Variants in TASOR observed in about 807,000 individuals in gnomAD.
The protein encoded by TASOR is transcription activation suppressor.
Under a neutral mutation model 178.6 loss-of-function variants are expected in TASOR, and 53 were observed. That is an observed-to-expected ratio of 0.30 (90% CI 0.24 to 0.37). TASOR has a LOEUF of 0.37. Among genes scored for constraint, TASOR ranks in the 10% least tolerant of loss-of-function variants. The probability of loss-of-function intolerance (pLI) is 1.00; values close to 1 mark genes in which losing one functional copy is unlikely to be tolerated. For synonymous variants in TASOR, 713 were observed against 696.2 expected (o/e 1.02, Z -0.38); for missense variants, 1,815 against 1,971.4 (o/e 0.92, Z 1.50).
rs1196810481 is a variant in TASOR at position 56,682,983 on chromosome 3, C to T, written c.24G>A (p.Glu8=). The change falls in exon 1 of 24, where the codon GAG becomes GAA. Residue 8 remains glutamate (E), a synonymous_variant. Coordinates refer to ENST00000683822, the MANE Select transcript of TASOR (RefSeq NM_001365635.2). ...AACTCGCATCCGTCGGCTGACAGGC[C>T]TCCGTCTCCACAGCAGTCGCCATCG... MATAVET[E]ACQPTDASWE... 1.3e-6 allele frequency: 2 copies of T among 1,548,534 alleles called. No individual in the cohort carries two copies. Among genetic ancestry groups the T allele is most frequent in the East Asian group, 2.4e-5 (1 of 40,896 alleles).
chr3:56,627,060 C>A lies in TASOR; in HGVS notation c.4116G>T (p.Gln1372His). 6.2e-7 allele frequency: 1 copy of A among 1,610,196 alleles called. No homozygotes were observed. The highest frequency in any genetic ancestry group is 8.5e-7 in the Non-Finnish European group (1 of 1,177,728). Residue 1372 changes from glutamine (Q) to histidine (H), a missense_variant, in exon 21 of 24, where the codon CAG becomes CAT. Transcript: ENST00000683822. ...KWQWKVHCKFQKKLKELGRLN... is the reference protein window; with the variant it reads ...KWQWKVHCKFHKKLKELGRLN... Reference sequence around the variant, plus strand: ...ACCTGCCTAGTTCCTTTAGTTTCTTCTGAAATTTACAGTGGACTTTCCATT... The same window carrying A: ...ACCTGCCTAGTTCCTTTAGTTTCTTATGAAATTTACAGTGGACTTTCCATT...
chr3:56,653,350 G>GA (rs35828332), intron 11 of TASOR, among the ~76,000 whole-genome samples: 4,705 of 132,084 alleles, frequency 0.036, 106 homozygotes, highest in Middle Eastern at 0.088. Context: ...TAATTTTCCA[G>GA]AAAAAAAGAC....
At chr3:56,652,452 G>C (rs1287785895) in intron 11 of TASOR, among the ~76,000 whole-genome samples, 1 of 151,756 alleles carries the variant, frequency 6.6e-6, no homozygotes, top group Non-Finnish European at 1.5e-5. Flanking sequence ...TACCCAGGAG[G>C]ATGAGGTAAG....
chr3:56,628,187 T>C (rs11714608), intron 19 of TASOR, among the ~76,000 whole-genome samples: 56,522 of 151,882 alleles, frequency 0.37, 11,037 homozygotes, highest in East Asian at 0.58. Context: ...CACAAATAGG[T>C]TTTTCCTAGG....
intron 5 of TASOR, among the ~76,000 whole-genome samples, chr3:56,669,050 G>GA (rs11352670): frequency 4.8e-4 from 68 of 142,210 alleles, no homozygotes; most frequent in African/African-American, 1.1e-3. Flanking sequence ...ATCACTAAAA[G>GA]AAAAAAAAAA....
At chr3:56,662,994 C>T (rs1203776241) in intron 8 of TASOR, among the ~76,000 whole-genome samples, 1 of 152,118 alleles carries the variant, frequency 6.6e-6, no homozygotes, top group Non-Finnish European at 1.5e-5. Context: ...GCCTGGCCAA[C>T]TTGGTGAAAC....
rs780240963 is a variant in TASOR at position 56,682,935 on chromosome 3, G to C, written c.72C>G (p.Asp24Glu). 1.9e-6 allele frequency: 3 copies of C among 1,549,460 alleles called. No individual in the cohort carries two copies. The highest frequency in any genetic ancestry group is 2.6e-6 in the Non-Finnish European group (3 of 1,146,368). Residue 24 changes from aspartate to glutamate, a missense_variant, in exon 1 of 24, where the codon GAC (aspartate) becomes GAG (glutamate). This residue lies in a region of TASOR where 244 missense variants were observed against 202.7 expected (regional missense o/e 1.20). Transcript: ENST00000683822. ...DASWESGGGG[D>E]DEMKQALPEL... ...CCGGAAGCGCCTGCTTCATCTCGTC[G>C]TCTCCGCCGCCGCCACTTTCCCAAC... is the stretch of plus-strand genomic sequence containing the variant.
At chr3:56,638,644 A>T (rs1326781235) in intron 17 of TASOR, 62 bp downstream of exon 17, 2 of 1,554,566 alleles carry the variant, frequency 1.3e-6, no homozygotes, top group Non-Finnish European at 1.8e-6. Flanking sequence ...GAGTATCAGA[A>T]ATGCAAGTAG....
Position 56,683,235 on chromosome 3 carries a change from T to G in TASOR, c.-229A>C. On this transcript the variant is annotated 5_prime_UTR_variant, in exon 1 of 24. Transcript: ENST00000683822. ...AGCCGCTCCTCCCTCGGGCAGTTCT[T>G]CTGCCTTCCCCCGCCACTCAACGTG... is the stretch of plus-strand genomic sequence containing the variant. 1 of 453,140 alleles carries G rather than the reference T, an allele frequency of 2.2e-6. No individual in the cohort carries two copies. Among genetic ancestry groups the G allele is most frequent in the Middle Eastern group, 5.8e-4 (1 of 1,728 alleles). The allele number at this position is 453,140 out of a possible 1,614,324, so 28.1% of individuals were successfully genotyped here.
rs556309202 is a variant in TASOR, at chr3:56,641,041, A to G, written c.2619+308T>C. On this transcript the variant is annotated intron_variant, in intron 15 of 23. Coordinates refer to ENST00000683822, the MANE Select transcript of TASOR (RefSeq NM_001365635.2). Reference sequence around the variant, plus strand: ...CTTTAATAATTCAACTTCATTATGAAACAATAAGGAATTAACTCCCAATAA... The same window carrying G: ...CTTTAATAATTCAACTTCATTATGAGACAATAAGGAATTAACTCCCAATAA... 3.9e-5 allele frequency among the ~76,000 whole-genome samples: 6 copies of G among 152,336 alleles called. No homozygotes were observed. In the East Asian group the frequency reaches 9.7e-4, roughly 25 times the overall value.
rs1382508995 is a variant in TASOR, at chr3:56,641,426, C to T, written c.2542G>A (p.Val848Ile). The change falls in exon 15 of 24, where the codon GTT becomes ATT. Residue 848 changes from valine to isoleucine, a missense_variant. This residue lies in a region of TASOR where 655 missense variants were observed against 671.1 expected (regional missense o/e 0.98). Coordinates refer to ENST00000683822, the MANE Select transcript of TASOR (RefSeq NM_001365635.2). The stretch of plus-strand genomic sequence containing the variant: ...ACAGAATACTTAGATGTTGCATCAA[C>T]TTCTAGTAATAAGCTCTGAGTACCC... ...FKGTQSLLLE[V>I]DATSKYSVAI... 3 of 1,606,086 alleles carry T rather than the reference C, an allele frequency of 1.9e-6. No homozygotes were observed. The highest frequency in any genetic ancestry group is 2.6e-6 in the Non-Finnish European group (3 of 1,173,016).
At chr3:56,653,573 G>A (rs1392963301) in intron 11 of TASOR, among the ~76,000 whole-genome samples, 1 of 152,022 alleles carries the variant, frequency 6.6e-6, no homozygotes, top group Non-Finnish European at 1.5e-5. Context: ...CATAGTCAAA[G>A]TGCAAGAAAA....
chr3:56,683,170 C>G lies in TASOR; in HGVS notation c.-164G>C. Reference sequence around the variant, plus strand: ...CCCGACCTGGCAGCCTCTTGGGGGGCCCTGTAGCGGGCACCCCAAATGCGC... The same window carrying G: ...CCCGACCTGGCAGCCTCTTGGGGGGGCCTGTAGCGGGCACCCCAAATGCGC... On this transcript the variant is annotated 5_prime_UTR_variant, in exon 1 of 24. Transcript: ENST00000683822. The G allele has an allele frequency of 2.7e-6, 2 of 730,332 alleles. No homozygotes were observed. The highest frequency in any genetic ancestry group is 4.3e-6 in the Non-Finnish European group (2 of 465,250). The allele number at this position is 730,332 out of a possible 1,614,324, so 45.2% of individuals were successfully genotyped here.
At chr3:56,663,074 G>A (rs1051924494) in intron 8 of TASOR, among the ~76,000 whole-genome samples, 3 of 152,046 alleles carry the variant, frequency 2.0e-5, no homozygotes, top group African/African-American at 7.2e-5. Flanking sequence ...TAGCTACTCA[G>A]GAGAAGGCTG....
At chr3:56,674,224 A>G (rs201606521) in intron 1 of TASOR, among the ~76,000 whole-genome samples, 6,795 of 138,746 alleles carry the variant, frequency 0.049, 154 homozygotes, top group East Asian at 0.096. Context: ...AAAAAAAAAA[A>G]GCTTGGTGGC....
intron 17 of TASOR, among the ~76,000 whole-genome samples, chr3:56,634,764 C>A (rs1484453467): frequency 6.6e-6 from 1 of 152,110 alleles, no homozygotes; most frequent in Non-Finnish European, 1.5e-5. Context: ...TCTTGACAAA[C>A]AGCTCAATCC....
At chr3:56,682,553 G>C (rs1313575459) in intron 1 of TASOR, 123 bp downstream of exon 1, 11 of 934,500 alleles carry the variant, frequency 1.2e-5, no homozygotes, top group African/African-American at 3.5e-5. Context: ...TGAGGGGAGA[G>C]GCGGCCGGCG....
At chr3:56,650,542 T>C (rs1030249733) in intron 11 of TASOR, among the ~76,000 whole-genome samples, 4 of 152,210 alleles carry the variant, frequency 2.6e-5, no homozygotes, top group South Asian at 2.1e-4. Context: ...ATTCTAAACT[T>C]TGGGGAATCT....
intron 17 of TASOR, among the ~76,000 whole-genome samples, chr3:56,638,002 T>A (rs1160756370): frequency 6.6e-6 from 1 of 152,148 alleles, no homozygotes; most frequent in East Asian, 1.9e-4. Flanking sequence ...AAGAACTAGG[T>A]TAAAAGACTA....
Sources: gnomAD v4.1 joint callset for allele counts (sites outside exome capture counted in the v4.1 genomes callset) on GRCh38, gnomAD v4.1.1 for gene constraint, gnomAD v4.1.1 regional missense constraint, MANE v1.5 for transcripts, NCBI Gene and HGNC (gene_info 2026-07-23, HGNC 2026-07-21) for gene names.